The following FMO2 variants were observed in gnomAD, a reference collection of about 807,000 sequenced individuals.
FMO2 encodes flavin containing dimethylaniline monoxygenase 2, also known as flavin-containing monooxygenase 2.
In FMO2, 33 loss-of-function variants were observed where a neutral mutation model predicts 41.6. The observed-to-expected ratio is 0.79, with a 90% CI of 0.60 to 1.06. The LOEUF (loss-of-function observed/expected upper bound fraction) is 1.06. Ranked by LOEUF, FMO2 falls within the 50% of genes least tolerant of loss-of-function variation. The pLI is 0.00. For missense variants in FMO2, 619 were observed against 632.9 expected, an observed-to-expected ratio of 0.98 and a Z score of 0.23; for synonymous variants, 214 against 219.6, an observed-to-expected ratio of 0.97 and a Z score of 0.23.
At chr1:171,185,923 T>C (rs1657828417) in intron 2 of FMO2, 78 bp downstream of exon 2, 1 of 1,403,784 alleles carries the variant, frequency 7.1e-7, no homozygotes, top group Non-Finnish European at 9.9e-7. Flanking sequence ...TGGGTCATAT[T>C]GAGAAATTTA....
chr1:171,205,682 G>A lies in FMO2; in HGVS notation c.1183+48G>A, dbSNP rs7536745. The A allele has an allele frequency of 8.3e-3, 10,578 of 1,277,390 alleles. 574 individuals carry two copies. The African/African-American group carries it at 0.12, about 15-fold the overall frequency. 79.1% of individuals were successfully genotyped at this position (1,277,390 alleles called of 1,614,324 possible). A position where few individuals can be genotyped will look rare whatever the true frequency, so the allele number is the denominator to read the frequency against. ...GGCTAAGCGTTTCAGATCTGGTGAA[G>A]TTTATCAATAATGATAAGAAGGTTG... On this transcript the variant is annotated intron_variant, in intron 7 of 8. Coordinates refer to ENST00000209929, the MANE Select transcript of FMO2 (RefSeq NM_001460.5).
At chr1:171,186,226 G>A (rs1294726783) in intron 2 of FMO2, 1 of 155,964 alleles carries the variant, frequency 6.4e-6, no homozygotes, top group Non-Finnish European at 1.4e-5. Flanking sequence ...TAGAGACCAT[G>A]CTCTTATCAT....
chr1:171,191,560 T>C (rs1658082850), intron 2 of FMO2, among the ~76,000 whole-genome samples: 2 of 152,158 alleles, frequency 1.3e-5, no homozygotes, highest in Non-Finnish European at 2.9e-5. Context: ...TTGAAACAAT[T>C]GTTGCATGTT....
intron 2 of FMO2, 156 bp downstream of exon 2, chr1:171,186,001 C>T: frequency 1.3e-6 from 1 of 789,378 alleles, no homozygotes; most frequent in African/African-American, 1.7e-5. Flanking sequence ...AAGTCATAGG[C>T]TGGCATCTCT....
chr1:171,199,204 T>C (rs1267070538), intron 4 of FMO2, 142 bp from the exon 5 acceptor site: 7 of 746,062 alleles, frequency 9.4e-6, no homozygotes, highest in Admixed American at 3.0e-5. Context: ...ACCTAAACTT[T>C]CTTATGTGCT....
At chr1:171,205,680 A>G in intron 7 of FMO2, 46 bp downstream of exon 7, 1 of 1,285,556 alleles carries the variant, frequency 7.8e-7, no homozygotes. Context: ...AGATCTGGTG[A>G]AGTTTATCAA....
chr1:171,196,942 G>A, intron 4 of FMO2, 131 bp downstream of exon 4: 1 of 702,518 alleles, frequency 1.4e-6, no homozygotes, highest in East Asian at 2.6e-5. Flanking sequence ...GACAGAGCTA[G>A]AAAGATGAAA....
intron 2 of FMO2, among the ~76,000 whole-genome samples, chr1:171,191,543 T>C (rs1267818410): frequency 6.6e-6 from 1 of 152,146 alleles, no homozygotes; most frequent in Non-Finnish European, 1.5e-5. Context: ...TCACTCTCAT[T>C]AAAGCCTTGA....
intron 7 of FMO2, 54 bp downstream of exon 7, chr1:171,205,688 C>T (rs1206985617): frequency 8.2e-7 from 1 of 1,225,358 alleles, no homozygotes; most frequent in Non-Finnish European, 1.1e-6. Context: ...TGAAGTTTAT[C>T]AATAATGATA....
chr1:171,200,885 T>A (rs28369882), intron 5 of FMO2, among the ~76,000 whole-genome samples: 17,813 of 152,028 alleles, frequency 0.12, 1,182 homozygotes, highest in African/African-American at 0.17. Flanking sequence ...TTAGGAACAG[T>A]GTGTAATGGG....
chr1:171,207,004 A>C (rs1371654156), intron 7 of FMO2, among the ~76,000 whole-genome samples: 2 of 152,212 alleles, frequency 1.3e-5, no homozygotes, highest in African/African-American at 4.8e-5. Context: ...GGTGGACAGT[A>C]GTGCTGTGAA....
intron 3 of FMO2, among the ~76,000 whole-genome samples, chr1:171,195,164 G>C (rs568927419): frequency 6.6e-6 from 1 of 152,316 alleles, no homozygotes; most frequent in East Asian, 1.9e-4. Context: ...GTGAAGAGGG[G>C]TTGGGAAGAA....
intron 2 of FMO2, chr1:171,186,123 G>A (rs1300308206): frequency 8.8e-6 from 2 of 228,086 alleles, no homozygotes; most frequent in South Asian, 1.3e-4. Context: ...TCTTTAATAC[G>A]CTAATATTAG....
chr1:171,189,383 T>TC (rs1657982458), intron 2 of FMO2, among the ~76,000 whole-genome samples: 1 of 151,852 alleles, frequency 6.6e-6, no homozygotes, highest in Admixed American at 6.6e-5. Context: ...TAAATTTGGC[T>TC]CCCCCAAGAT....
At chr1:171,196,188 A>G (rs1416424372) in intron 3 of FMO2, among the ~76,000 whole-genome samples, 2 of 152,226 alleles carry the variant, frequency 1.3e-5, no homozygotes, top group East Asian at 3.8e-4. Context: ...AAGGAAGACA[A>G]AGGTTTTTAA....
chr1:171,195,592 C>G (rs575675258), intron 3 of FMO2, among the ~76,000 whole-genome samples: 1 of 152,238 alleles, frequency 6.6e-6, no homozygotes, highest in South Asian at 2.1e-4. Flanking sequence ...TAAATTGAGA[C>G]AGCTTAAAAA....
chr1:171,200,261 C>A (rs28369878), intron 5 of FMO2, among the ~76,000 whole-genome samples: 2,459 of 152,282 alleles, frequency 0.016, 35 homozygotes, highest in Middle Eastern at 0.044. Flanking sequence ...AGGAATGACA[C>A]CAGCTGAGCT....
At chr1:171,197,470 AG>A (rs1658351274) in intron 4 of FMO2, among the ~76,000 whole-genome samples, 1 of 152,210 alleles carries the variant, frequency 6.6e-6, no homozygotes, top group Admixed American at 6.5e-5. Flanking sequence ...TTTAATATAC[AG>A]TCAGGATTAA....
intron 5 of FMO2, 139 bp downstream of exon 5, chr1:171,199,627 T>C: frequency 1.3e-6 from 1 of 769,670 alleles, no homozygotes; most frequent in Non-Finnish European, 2.0e-6. Flanking sequence ...ATAGAAAATC[T>C]GGAAGTCAAG....
Sources: allele counts gnomAD v4.1 joint callset (sites outside exome capture counted in the v4.1 genomes callset), GRCh38; gene constraint gnomAD v4.1.1; transcripts MANE v1.5; gene names NCBI Gene and HGNC (gene_info 2026-07-23, HGNC 2026-07-21).